The following TFEC variants were observed in gnomAD, a reference collection of about 807,000 sequenced individuals.
The protein encoded by TFEC is class E basic helix-loop-helix protein 34.
In TFEC, 31 loss-of-function variants were observed where a neutral mutation model predicts 41.6. That is an observed-to-expected ratio of 0.74 (90% CI 0.56 to 1.01). The LOEUF (loss-of-function observed/expected upper bound fraction) is 1.01. Ranked by LOEUF, TFEC falls within the 50% of genes least tolerant of loss-of-function variation. The pLI is 0.00. For missense variants in TFEC, 402 were observed against 404.1 expected (o/e 0.99, Z 0.04); for synonymous variants, 143 against 140.6 (o/e 1.02, Z -0.12).
rs546184471 is a variant in TFEC, at chr7:116,152,437, A to G, written c.-69+7353T>C. On this transcript the variant is annotated intron_variant, in intron 1 of 8. Coordinates refer to the TFEC transcript ENST00000484212. The stretch of plus-strand genomic sequence containing the variant: ...TACCAAAGTAAAAAGAGCTGCAAAG[A>G]GAAGAAGCTCCTGAGATCTGCAGAG... Among the ~76,000 whole-genome samples the G allele has an allele frequency of 1.6e-3, 248 of 152,336 alleles. 1 individual carries two copies. The highest frequency in any genetic ancestry group is 5.8e-3 in the African/African-American group (241 of 41,576).
chr7:115,988,639 GAGAA>G (rs1793965340), intron 1 of TFEC, among the ~76,000 whole-genome samples: 1 of 151,956 alleles, frequency 6.6e-6, no homozygotes, highest in Non-Finnish European at 1.5e-5. Flanking sequence ...AAGAGAAAGG[GAGAA>G]AGAAACAGAA....
At chr7:116,132,122 T>C (rs1798344830) in intron 1 of TFEC, among the ~76,000 whole-genome samples, 1 of 152,194 alleles carries the variant, frequency 6.6e-6, no homozygotes, top group Non-Finnish European at 1.5e-5. Context: ...AAAACATGCA[T>C]AGCAGGTGAT....
At chr7:116,012,136 T>G (rs1411782116) in intron 1 of TFEC, among the ~76,000 whole-genome samples, 1 of 152,202 alleles carries the variant, frequency 6.6e-6, no homozygotes, top group Admixed American at 6.6e-5. Flanking sequence ...TACAATTCAA[T>G]AGTTTCCTGT....
Position 115,935,170 on chromosome 7 carries a change from T to A in TFEC, c.*5381A>T, listed in dbSNP as rs1793170568. 1 of 151,724 alleles carries A rather than the reference T, an allele frequency of 6.6e-6. No homozygotes were observed. 9.4% of individuals were successfully genotyped at this position (151,724 alleles called of 1,614,324 possible). A position where few individuals can be genotyped will look rare whatever the true frequency, so the allele number is the denominator to read the frequency against. ...TAAAACATTTCATAATTATAGTCTTTCATTTAATATATGCAAAGAAAATAT... is the reference window on the plus strand; with the variant it reads ...TAAAACATTTCATAATTATAGTCTTACATTTAATATATGCAAAGAAAATAT... On this transcript the variant is annotated 3_prime_UTR_variant, in exon 8 of 8. Coordinates refer to ENST00000265440, the MANE Select transcript of TFEC (RefSeq NM_012252.4).
chr7:116,066,101 G>A (rs1562957366), intron 3 of TFEC, among the ~76,000 whole-genome samples: 1 of 152,172 alleles, frequency 6.6e-6, no homozygotes, highest in Non-Finnish European at 1.5e-5. Flanking sequence ...GGAAGATGAT[G>A]CCCTGCTTAT....
intron 3 of TFEC, among the ~76,000 whole-genome samples, chr7:115,966,667 T>C (rs886265602): frequency 1.3e-5 from 2 of 151,824 alleles, no homozygotes; most frequent in African/African-American, 4.8e-5. Context: ...CTTTATTATC[T>C]ACCCTATAGG....
At chr7:116,079,123 C>T (rs1303046100) in intron 3 of TFEC, among the ~76,000 whole-genome samples, 1 of 151,936 alleles carries the variant, frequency 6.6e-6, no homozygotes, top group African/African-American at 2.4e-5. Flanking sequence ...TTGACAAAAT[C>T]CACCATCTCT....
At chr7:115,970,539 G>C (rs1793086092) in intron 3 of TFEC, among the ~76,000 whole-genome samples, 1 of 151,820 alleles carries the variant, frequency 6.6e-6, no homozygotes, top group Non-Finnish European at 1.5e-5. Context: ...TGTTTGGTTA[G>C]GTTTGCTTTT....
chr7:116,106,661 C>A (rs1432491301), intron 3 of TFEC, among the ~76,000 whole-genome samples: 1 of 152,176 alleles, frequency 6.6e-6, no homozygotes. Flanking sequence ...TCTGGGATTA[C>A]AGGCATGAGC....
intron 1 of TFEC, among the ~76,000 whole-genome samples, chr7:116,159,055 TCA>T (rs879385234): frequency 3.3e-5 from 5 of 151,884 alleles, no homozygotes; most frequent in South Asian, 2.1e-4. Flanking sequence ...TTCAACTGAC[TCA>T]CAGTTTTTAT....
intron 1 of TFEC, among the ~76,000 whole-genome samples, chr7:116,023,955 C>CT (rs1414330625): frequency 1.3e-5 from 2 of 152,084 alleles, no homozygotes; most frequent in African/African-American, 4.8e-5. Flanking sequence ...AATTAATTCC[C>CT]TTTTTTAGTG....
chr7:116,030,449 A>G (rs1175600514), intron 1 of TFEC, among the ~76,000 whole-genome samples, 184 bp downstream of exon 1: 1 of 152,202 alleles, frequency 6.6e-6, no homozygotes, highest in Admixed American at 6.5e-5. Context: ...TTTCAGACAT[A>G]TTTTCCCCAA....
intron 3 of TFEC, among the ~76,000 whole-genome samples, chr7:116,072,121 G>T (rs1000992711): frequency 1.3e-5 from 2 of 151,390 alleles, no homozygotes; most frequent in Admixed American, 1.3e-4. Flanking sequence ...TGGGCAAAAA[G>T]AAGGTATGGA....
chr7:116,107,111 C>A (rs1383560113), intron 3 of TFEC, among the ~76,000 whole-genome samples: 2 of 152,158 alleles, frequency 1.3e-5, no homozygotes, highest in African/African-American at 4.8e-5. Context: ...GAACTAATCA[C>A]CTAGGGTGTT....
Position 116,046,515 on chromosome 7 carries a change from A to G in TFEC, c.199-62002T>C, listed in dbSNP as rs148157942. On this transcript the variant is annotated intron_variant, in intron 3 of 8. Coordinates refer to the TFEC transcript ENST00000484212. The stretch of plus-strand genomic sequence containing the variant: ...CTAGCCATGTGGAACCGTAAGTCCA[A>G]TTAAACCTCTTTTTCTTCCCAGTCT... Among the ~76,000 whole-genome samples the G allele has an allele frequency of 1.7e-3, 265 of 152,248 alleles. 1 individual carries two copies. The highest frequency in any genetic ancestry group is 6.0e-3 in the African/African-American group (251 of 41,530).
In TFEC at chr7:115,950,015, C is replaced by CTTTTT. The variant is rs10684805; in HGVS notation, c.515+854_515+858dup. On this transcript the variant is annotated intron_variant, in intron 6 of 7. Coordinates refer to ENST00000265440, the MANE Select transcript of TFEC (RefSeq NM_012252.4). ...TAATGCTACAGATTCCATGTTTTCACTTTTTTTTTTTTTTGAGATGGAGTC... is the reference window on the plus strand; with the variant it reads ...TAATGCTACAGATTCCATGTTTTCACTTTTTTTTTTTTTTTTTTTGAGATGGAGTC... Among the ~76,000 whole-genome samples the CTTTTT allele has an allele frequency of 9.9e-5, 14 of 141,932 alleles. 2 individuals are homozygous for CTTTTT. Among genetic ancestry groups the CTTTTT allele is most frequent in the African/African-American group, 3.1e-4 (12 of 38,334 alleles). 93.1% of individuals were successfully genotyped at this position (141,932 alleles called of 152,430 possible).
At chr7:116,127,340 C>T (rs867770720) in intron 1 of TFEC, among the ~76,000 whole-genome samples, 1 of 152,128 alleles carries the variant, frequency 6.6e-6, no homozygotes, top group Non-Finnish European at 1.5e-5. Flanking sequence ...GCCTCGGCCT[C>T]CCAAAGTGCT....
intron 1 of TFEC, among the ~76,000 whole-genome samples, chr7:116,017,633 T>C (rs1795243853): frequency 6.6e-6 from 1 of 152,176 alleles, no homozygotes; most frequent in Non-Finnish European, 1.5e-5. Flanking sequence ...CTCTCTCCTA[T>C]GCCTACTGTG....
At chr7:116,070,410 CT>C (rs1772267441) in intron 3 of TFEC, among the ~76,000 whole-genome samples, 1 of 151,240 alleles carries the variant, frequency 6.6e-6, no homozygotes, top group Non-Finnish European at 1.5e-5. Context: ...ATTTAGAAAT[CT>C]AATATTTATA....
Sources: gnomAD v4.1 joint callset for allele counts (sites outside exome capture counted in the v4.1 genomes callset) on GRCh38, gnomAD v4.1.1 for gene constraint, MANE v1.5 for transcripts, NCBI Gene and HGNC (gene_info 2026-07-23, HGNC 2026-07-21) for gene names.